NPAS3: variants seen among roughly 807,000 people sequenced by gnomAD.
NPAS3 encodes the protein neuronal PAS domain-containing protein 3.
A neutral mutation model predicts 73.1 loss-of-function variants in NPAS3; 14 were observed. The ratio of observed to expected loss-of-function variants is 0.19; its 90% CI spans 0.13 to 0.30. The LOEUF (loss-of-function observed/expected upper bound fraction) is 0.30, where lower values mean the gene tolerates loss of function less well. NPAS3 is among the 10% of genes least tolerant of loss of function. The probability of loss-of-function intolerance (pLI) is 1.00; values close to 1 mark genes in which losing one functional copy is unlikely to be tolerated. For missense variants in NPAS3, 1,096 were observed against 1,250.0 expected (o/e 0.88, Z 1.86); for synonymous variants, 620 against 541.5 (o/e 1.14, Z -2.01).
At chr14:32,960,017 T>G (rs962316826) in intron 1 of NPAS3, among the ~76,000 whole-genome samples, 1 of 150,426 alleles carries the variant, frequency 6.6e-6, no homozygotes, top group Non-Finnish European at 1.5e-5. Flanking sequence ...GAGTACTTAA[T>G]TGTTGAATTA....
chr14:33,664,181 C>G (rs1450927553), intron 5 of NPAS3, among the ~76,000 whole-genome samples: 3 of 152,078 alleles, frequency 2.0e-5, no homozygotes, highest in Middle Eastern at 3.2e-3. Flanking sequence ...ATACAGACCA[C>G]TGGAACAGAA....
At chr14:33,677,040 T>A (rs550729577) in intron 6 of NPAS3, among the ~76,000 whole-genome samples, 27 of 152,216 alleles carry the variant, frequency 1.8e-4, no homozygotes, top group Non-Finnish European at 3.4e-4. Context: ...GTTGTACTGA[T>A]GATAATTTAA....
chr14:33,480,809 A>G (rs1296981065), intron 4 of NPAS3, among the ~76,000 whole-genome samples: 1 of 151,932 alleles, frequency 6.6e-6, no homozygotes, highest in African/African-American at 2.4e-5. Context: ...CCTTTACATC[A>G]TAACTGCAGT....
intron 4 of NPAS3, among the ~76,000 whole-genome samples, chr14:33,556,788 T>C (rs2055375497): frequency 1.3e-5 from 2 of 152,220 alleles, no homozygotes; most frequent in Admixed American, 6.5e-5. Flanking sequence ...TTTAGAACTA[T>C]AGGAGATTAT....
chr14:33,295,243 C>G (rs2042249075), intron 3 of NPAS3, among the ~76,000 whole-genome samples: 1 of 152,148 alleles, frequency 6.6e-6, no homozygotes, highest in Non-Finnish European at 1.5e-5. Context: ...GCTCTGATGA[C>G]TAAAAACAGA....
At chr14:33,216,483 T>A (rs1391598110) in intron 3 of NPAS3, among the ~76,000 whole-genome samples, 1 of 152,158 alleles carries the variant, frequency 6.6e-6, no homozygotes, top group Admixed American at 6.6e-5. Flanking sequence ...TCCGTGAGAG[T>A]GTAAATTTGT....
intron 5 of NPAS3, among the ~76,000 whole-genome samples, chr14:33,670,624 CAA>C (rs755412371): frequency 3.0e-5 from 4 of 134,874 alleles, no homozygotes; most frequent in Non-Finnish European, 3.2e-5. Flanking sequence ...GACCCCCCCT[CAA>C]AAAAAAAAAA....
intron 6 of NPAS3, among the ~76,000 whole-genome samples, chr14:33,689,060 T>C (rs1463644822): frequency 6.6e-6 from 1 of 152,236 alleles, no homozygotes; most frequent in Non-Finnish European, 1.5e-5. Flanking sequence ...TTTGAGGACA[T>C]ACTCCTTAAG....
intron 1 of NPAS3, among the ~76,000 whole-genome samples, chr14:32,998,512 A>G (rs113674457): frequency 5.3e-5 from 8 of 152,186 alleles, no homozygotes; most frequent in South Asian, 2.1e-4. Context: ...TAAAATGATT[A>G]ATGTTGTATC....
At chr14:33,614,983 A>G (rs2057868836) in intron 5 of NPAS3, among the ~76,000 whole-genome samples, 1 of 152,168 alleles carries the variant, frequency 6.6e-6, no homozygotes, top group South Asian at 2.1e-4. Flanking sequence ...GCAAAGATGA[A>G]TTCATGGAAG....
At chr14:33,607,611 A>G (rs1235131079) in intron 5 of NPAS3, among the ~76,000 whole-genome samples, 1 of 152,212 alleles carries the variant, frequency 6.6e-6, no homozygotes, top group Non-Finnish European at 1.5e-5. Context: ...TCACGGGTGC[A>G]TTAATATGTC....
At chr14:33,135,827 A>G (rs1019127490) in intron 2 of NPAS3, among the ~76,000 whole-genome samples, 9 of 152,150 alleles carry the variant, frequency 5.9e-5, no homozygotes, top group African/African-American at 1.9e-4. Context: ...CCAGCAGCCA[A>G]TGCTCCGTTG....
chr14:33,568,855 A>T (rs919237640), intron 5 of NPAS3, among the ~76,000 whole-genome samples: 1 of 152,174 alleles, frequency 6.6e-6, no homozygotes, highest in Non-Finnish European at 1.5e-5. Flanking sequence ...CAAATGCCCT[A>T]TGGCTTTTTA....
chr14:33,649,743 G>C (rs1045233581), intron 5 of NPAS3, among the ~76,000 whole-genome samples: 1 of 152,118 alleles, frequency 6.6e-6, no homozygotes, highest in African/African-American at 2.4e-5. Flanking sequence ...GTATGAAGAA[G>C]ACAAGCTAAA....
At chr14:33,615,980 A>T (rs17101623) in intron 5 of NPAS3, among the ~76,000 whole-genome samples, 1 of 152,298 alleles carries the variant, frequency 6.6e-6, no homozygotes, top group African/African-American at 2.4e-5. Context: ...GATGAGCCCA[A>T]TAGAAAGTCC....
At chr14:33,160,503 A>AG (rs1431465667) in intron 2 of NPAS3, among the ~76,000 whole-genome samples, 1 of 40,172 alleles carries the variant, frequency 2.5e-5, no homozygotes, top group African/African-American at 1.0e-4. Context: ...GGGTGGGGGG[A>AG]GGGGGGAGGG....
intron 2 of NPAS3, among the ~76,000 whole-genome samples, chr14:33,081,267 A>G (rs1244920014): frequency 2.6e-5 from 4 of 152,218 alleles, no homozygotes. Flanking sequence ...ATGAGAAATC[A>G]CTTCTCTCAT....
Position 33,330,451 on chromosome 14 carries a change from C to CG in NPAS3, c.386-36734dup, listed in dbSNP as rs1200176503. Among the ~76,000 whole-genome samples the CG allele has an allele frequency of 3.3e-5, 5 of 152,112 alleles. No individual in the cohort carries two copies. The East Asian group carries it at 9.7e-4, about 29-fold the overall frequency. On this transcript the variant is annotated intron_variant, in intron 3 of 11. Transcript: ENST00000356141. Reference sequence around the variant, plus strand: ...CTGTTGTGAGGATTAAGTGAGATAACGTCAAGCAGCAGGTGTAATGCCAGG... The same window carrying CG: ...CTGTTGTGAGGATTAAGTGAGATAACGGTCAAGCAGCAGGTGTAATGCCAGG...
At chr14:33,060,548 C>A (rs2041059585) in intron 2 of NPAS3, among the ~76,000 whole-genome samples, 1 of 152,204 alleles carries the variant, frequency 6.6e-6, no homozygotes. Flanking sequence ...GCAGAAGAGG[C>A]CATTGGCAAA....
Sources: gnomAD v4.1 joint callset for allele counts (sites outside exome capture counted in the v4.1 genomes callset) on GRCh38, gnomAD v4.1.1 for gene constraint, MANE v1.5 for transcripts, NCBI Gene and HGNC (gene_info 2026-07-23, HGNC 2026-07-21) for gene names.